Variants in SCAF11 observed in about 807,000 individuals in gnomAD.
SCAF11 encodes the protein protein SCAF11.
In SCAF11, 47 loss-of-function variants were observed where a neutral mutation model predicts 140.5. That is an observed-to-expected ratio of 0.33 (90% CI 0.26 to 0.43). The LOEUF (loss-of-function observed/expected upper bound fraction) is 0.43. SCAF11 is among the 20% of genes least tolerant of loss of function. SCAF11 has a pLI of 1.00. For missense variants in SCAF11, 1,645 were observed against 1,705.1 expected (o/e 0.96, Z 0.62); for synonymous variants, 557 against 579.4 (o/e 0.96, Z 0.55).
At chr12:45,947,538 T>C (rs1354339680) in intron 5 of SCAF11, among the ~76,000 whole-genome samples, 1 of 152,250 alleles carries the variant, frequency 6.6e-6, no homozygotes, top group Non-Finnish European at 1.5e-5. Flanking sequence ...TGTTGTGCTA[T>C]ACTATTAGGT....
chr12:45,991,814 C>T, upstream of SCAF11: 1 of 1,120,246 alleles, frequency 8.9e-7, no homozygotes, highest in South Asian at 1.7e-5. Context: ...ACCTTCCAGT[C>T]CTCCCACCCA....
Position 45,928,299 on chromosome 12 carries a change from C to T in SCAF11, c.1402G>A (p.Glu468Lys), listed in dbSNP as rs751243360. 1.2e-6 allele frequency: 2 copies of T among 1,613,986 alleles called. No individual in the cohort carries two copies. The highest frequency in any genetic ancestry group is 1.7e-5 in the Admixed American group (1 of 60,018). Residue 468 changes from glutamate to lysine, a missense_variant, in exon 11 of 15, where the codon GAA (glutamate) becomes AAA (lysine). By Grantham distance (56) the Glu-to-Lys change is moderately conservative. Coordinates refer to ENST00000369367, the MANE Select transcript of SCAF11 (RefSeq NM_004719.3). ...TCAGAAGATGAAGATCCTACTCTTT[C>T]CTCTGTATCATAATTTGCAGTATGC... ...EKHTANYDTE[E>K]RVGSSSSESC...
intron 6 of SCAF11, 71 bp downstream of exon 6, chr12:45,945,176 GAA>G (rs1254720009): frequency 1.2e-6 from 1 of 865,126 alleles, no homozygotes; most frequent in Non-Finnish European, 1.9e-6. Flanking sequence ...TTACTGATGA[GAA>G]CTCTGACACA....
At chr12:45,935,758 A>G (rs1945159184) in intron 6 of SCAF11, among the ~76,000 whole-genome samples, 1 of 152,242 alleles carries the variant, frequency 6.6e-6, no homozygotes. Context: ...GCAATGCTAC[A>G]TGTGAAAATC....
At chr12:45,980,381 T>C (rs1303498410) in intron 1 of SCAF11, among the ~76,000 whole-genome samples, 1 of 152,202 alleles carries the variant, frequency 6.6e-6, no homozygotes, top group East Asian at 1.9e-4. Flanking sequence ...TTAGCAACCA[T>C]AGCACATGTT....
chr12:45,977,184 G>A (rs927883816), intron 1 of SCAF11, among the ~76,000 whole-genome samples: 3 of 151,774 alleles, frequency 2.0e-5, no homozygotes, highest in African/African-American at 7.3e-5. Flanking sequence ...AATAGTACAT[G>A]AAAAGAACAA....
chr12:45,972,623 C>CAA (rs1322834949), intron 1 of SCAF11, among the ~76,000 whole-genome samples: 5 of 104,312 alleles, frequency 4.8e-5, no homozygotes, highest in African/African-American at 1.1e-4. Flanking sequence ...AAAACAAAAA[C>CAA]AAAAACATCA....
At chr12:45,961,002 T>A (rs1357859893) in intron 3 of SCAF11, 9 of 243,064 alleles carry the variant, frequency 3.7e-5, no homozygotes, top group Non-Finnish European at 6.3e-5. Flanking sequence ...ATTAAATTAA[T>A]ATTTACTTCA....
intron 10 of SCAF11, 75 bp downstream of exon 10, chr12:45,931,427 TCAAA>T (rs1369789343): frequency 2.1e-5 from 15 of 704,084 alleles, no homozygotes; most frequent in Non-Finnish European, 3.0e-5. Context: ...TTCTAAGTCA[TCAAA>T]CACACATTTT....
At chr12:45,980,800 C>A (rs1054688487) in intron 1 of SCAF11, among the ~76,000 whole-genome samples, 1 of 152,068 alleles carries the variant, frequency 6.6e-6, no homozygotes, top group African/African-American at 2.4e-5. Context: ...GTGCAAAGAA[C>A]CTGAGAGTAG....
At chr12:45,943,640 AAC>A (rs1436322582) in intron 6 of SCAF11, among the ~76,000 whole-genome samples, 1 of 152,196 alleles carries the variant, frequency 6.6e-6, no homozygotes, top group Admixed American at 6.5e-5. Context: ...GACAAGGGGT[AAC>A]TACCATACCC....
At chr12:45,959,961 G>C (rs974862775) in intron 3 of SCAF11, among the ~76,000 whole-genome samples, 1 of 152,130 alleles carries the variant, frequency 6.6e-6, no homozygotes, top group East Asian at 1.9e-4. Context: ...GCAGCATAAA[G>C]ATAAGTACTT....
chr12:45,959,619 A>C (rs1945777619), intron 3 of SCAF11, among the ~76,000 whole-genome samples: 1 of 152,220 alleles, frequency 6.6e-6, no homozygotes, highest in South Asian at 2.1e-4. Context: ...CATACTCCTG[A>C]ATTTGAAATC....
chr12:45,955,124 C>G (rs184942821), intron 3 of SCAF11: 1 of 151,882 alleles, frequency 6.6e-6, no homozygotes, highest in Non-Finnish European at 1.5e-5. Context: ...TAGTTAACAC[C>G]AAAAAATAAG....
chr12:45,922,958 G>A lies in SCAF11; in HGVS notation c.4103C>T (p.Ala1368Val). Residue 1368 changes from alanine to valine, a missense_variant, in exon 13 of 15, where the codon GCA becomes GTA. Physicochemically the swap from Ala to Val is moderately conservative, Grantham distance 64 (BLOSUM62 0). Coordinates refer to ENST00000369367, the MANE Select transcript of SCAF11 (RefSeq NM_004719.3). The stretch of plus-strand genomic sequence containing the variant: ...TGCCTTGTCTGTCTTCGAGCTATCT[G>A]CGCTGGCTTCCACTGCAACACTTAC... ...SKVSVAVEAS[A>V]DSSKTDKKLQ... 1.2e-6 allele frequency: 2 copies of A among 1,614,090 alleles called. No individual in the cohort carries two copies. Among genetic ancestry groups the A allele is most frequent in the Non-Finnish European group, 1.7e-6 (2 of 1,180,002 alleles).
At chr12:45,931,382 G>A (rs1438335988) in intron 10 of SCAF11, 124 bp downstream of exon 10, 4 of 464,300 alleles carry the variant, frequency 8.6e-6, no homozygotes, top group Middle Eastern at 5.7e-4. Context: ...ATTTATAGAC[G>A]TATTTACAAG....
In SCAF11 at chr12:45,924,730, G is replaced by T; in HGVS notation, c.3904C>A (p.Gln1302Lys). The T allele has an allele frequency of 6.3e-7, 1 of 1,599,352 alleles. No homozygotes were observed. Among genetic ancestry groups the T allele is most frequent in the South Asian group, 1.1e-5 (1 of 90,552 alleles). ...IASQPDGKQL[Q>K]GIPSSSHVSN... is the part of the protein sequence containing the mutation. ...AACTTGAGTTGCTAAAAACATACCT[G>T]CAATTGCTTTCCATCTGGTTGTGAA... The change falls in exon 12 of 15, where the codon CAG (glutamine) becomes AAG (lysine). Residue 1302 changes from glutamine to lysine, a missense_variant and splice_region_variant. By Grantham distance (53) the Gln-to-Lys change is moderately conservative. Coordinates refer to ENST00000369367, the MANE Select transcript of SCAF11 (RefSeq NM_004719.3).
Position 45,921,817 on chromosome 12 carries a change from C to T in SCAF11, c.*231G>A, listed in dbSNP as rs758918255. 8.3e-6 allele frequency: 4 copies of T among 481,760 alleles called. No homozygotes were observed. The highest frequency in any genetic ancestry group is 1.5e-5 in the Non-Finnish European group (4 of 272,670). 29.8% of individuals were successfully genotyped at this position (481,760 alleles called of 1,614,324 possible). ...TAGTAAAGATGCACATTCCTTTAAA[C>T]CCTTTACTTTCCCTTGAATTTTGTG... is the stretch of plus-strand genomic sequence containing the variant. On this transcript the variant is annotated 3_prime_UTR_variant, in exon 15 of 15. Coordinates refer to ENST00000369367, the MANE Select transcript of SCAF11 (RefSeq NM_004719.3).
chr12:45,964,074 C>T (rs781449687), intron 2 of SCAF11, 33 bp downstream of exon 2: 1 of 1,177,256 alleles, frequency 8.5e-7, no homozygotes, highest in Non-Finnish European at 1.2e-6. Context: ...GTTTTGCTTT[C>T]AACAAACAAA....
Sources: gnomAD v4.1 joint callset for allele counts (sites outside exome capture counted in the v4.1 genomes callset) on GRCh38, gnomAD v4.1.1 for gene constraint, MANE v1.5 for transcripts, NCBI Gene and HGNC (gene_info 2026-07-23, HGNC 2026-07-21) for gene names.